Variants in CEP126 observed in about 807,000 individuals in gnomAD.
The protein encoded by CEP126 is centrosomal protein 126, also known as centrosomal protein of 126 kDa.
A neutral mutation model predicts 107.8 loss-of-function variants in CEP126; 74 were observed. The ratio of observed to expected loss-of-function variants is 0.69; its 90% CI spans 0.57 to 0.83. The LOEUF (loss-of-function observed/expected upper bound fraction) is 0.83, where lower values mean the gene tolerates loss of function less well. Among genes scored for constraint, CEP126 ranks in the 40% least tolerant of loss-of-function variants. The pLI, the probability that CEP126 is intolerant of heterozygous loss-of-function variation, is 0.00. For synonymous variants in CEP126, 449 were observed against 446.0 expected (o/e 1.01, Z -0.08); for missense variants, 1,237 against 1,281.9 (o/e 0.96, Z 0.53).
At position 101,962,604 on chromosome 11, in the gene CEP126, A is replaced by T. The variant is rs1027361876; in HGVS notation, c.1569A>T (p.Gln523His). 1.2e-6 allele frequency: 2 copies of T among 1,613,768 alleles called. No homozygotes were observed. The highest frequency in any genetic ancestry group is 1.3e-5 in the African/African-American group (1 of 75,044). Residue 523 changes from glutamine (Q) to histidine (H), a missense_variant, in exon 6 of 11, where the codon CAA becomes CAT. Around this residue, in one of 3 missense-constraint regions of CEP126, gnomAD observed 1,134 missense variants for 1,150.5 expected, o/e 0.99. Transcript: ENST00000263468. ...TGCCTTTATTTTCAGACAGTTTTCA[A>T]GATGCCTATATACCTCACAATCCTG... ...EELPLFSDSFQDAYIPHNPDS... is the reference protein window; with the variant it reads ...EELPLFSDSFHDAYIPHNPDS...
At chr11:101,919,444 T>C (rs1386871318) in intron 1 of CEP126, among the ~76,000 whole-genome samples, 3 of 152,124 alleles carry the variant, frequency 2.0e-5, no homozygotes, top group Non-Finnish European at 4.4e-5. Flanking sequence ...TTGGTTTTGT[T>C]TTTTTAATGT....
chr11:101,959,095 C>G (rs1016691838), intron 5 of CEP126, among the ~76,000 whole-genome samples: 1 of 152,112 alleles, frequency 6.6e-6, no homozygotes, highest in Non-Finnish European at 1.5e-5. Context: ...TTAAAAAGAT[C>G]CACTAGTAAC....
chr11:101,965,635 G>C (rs190597054), intron 6 of CEP126, among the ~76,000 whole-genome samples: 1 of 152,072 alleles, frequency 6.6e-6, no homozygotes, highest in South Asian at 2.1e-4. Context: ...TGAAGGTATC[G>C]TACAGATTAA....
intron 2 of CEP126, among the ~76,000 whole-genome samples, chr11:101,937,130 T>A (rs183744125): frequency 0.021 from 3,264 of 152,310 alleles, 36 homozygotes; most frequent in African/African-American, 0.029. Flanking sequence ...GTAATATTTT[T>A]AAATAATTTT....
At chr11:101,987,078 C>A in intron 9 of CEP126, 37 bp downstream of exon 9, 1 of 1,306,852 alleles carries the variant, frequency 7.7e-7, no homozygotes, top group Non-Finnish European at 1.1e-6. Flanking sequence ...AGAAATACTG[C>A]ATTTATACTT....
Position 101,962,358 on chromosome 11 carries a change from T to C in CEP126, c.1323T>C (p.Ser441=). ...VATFPDQEKY[S]ELNQENGTTS... ...CATTTCCAGACCAAGAGAAATATTC[T>C]GAATTAAATCAAGAAAATGGAACTA... The change falls in exon 6 of 11, where the codon TCT becomes TCC. Residue 441 remains serine (S), a synonymous_variant. Transcript: ENST00000263468. 6.2e-7 allele frequency: 1 copy of C among 1,613,770 alleles called. No individual in the cohort carries two copies. Among genetic ancestry groups the C allele is most frequent in the South Asian group, 1.1e-5 (1 of 91,034 alleles).
At chr11:101,952,950 A>G (rs941838405) in intron 4 of CEP126, among the ~76,000 whole-genome samples, 4 of 152,228 alleles carry the variant, frequency 2.6e-5, no homozygotes, top group African/African-American at 7.2e-5. Context: ...ACATTCTTCA[A>G]TAGGAGGAAT....
intron 2 of CEP126, among the ~76,000 whole-genome samples, chr11:101,941,914 T>A (rs1194463647): frequency 2.0e-5 from 3 of 152,306 alleles, no homozygotes; most frequent in African/African-American, 7.2e-5. Context: ...ATGTTGAGCA[T>A]CTTTTCATGT....
chr11:101,955,824 C>T, intron 4 of CEP126: 1 of 454,684 alleles, frequency 2.2e-6, no homozygotes, highest in South Asian at 1.6e-5. Flanking sequence ...GTCTCCACAC[C>T]TGACCCCTAC....
chr11:101,971,487 A>C (rs1033576078), intron 6 of CEP126, among the ~76,000 whole-genome samples: 4 of 152,302 alleles, frequency 2.6e-5, no homozygotes, highest in African/African-American at 7.2e-5. Flanking sequence ...AGAGATAGCT[A>C]TAAAGTCATA....
intron 2 of CEP126, among the ~76,000 whole-genome samples, chr11:101,927,555 C>G (rs138147566): frequency 4.5e-4 from 69 of 152,234 alleles, no homozygotes; most frequent in Admixed American, 8.5e-4. Context: ...ATAGCCACAC[C>G]TACTTCTCTC....
At position 101,958,511 on chromosome 11, in the gene CEP126, C is replaced by T. The variant is rs984879343; in HGVS notation, c.705+145C>T. 8 of 644,104 alleles carry T rather than the reference C, an allele frequency of 1.2e-5. No individual in the cohort carries two copies. In the African/African-American group the frequency reaches 1.5e-4, roughly 12 times the overall value. 39.9% of individuals were successfully genotyped at this position (644,104 alleles called of 1,614,324 possible). Reference sequence around the variant, plus strand: ...TGTGGATGAATCAGCACAAATTCATCATAGAAACTATAGAAATAATTTTTT... The same window carrying T: ...TGTGGATGAATCAGCACAAATTCATTATAGAAACTATAGAAATAATTTTTT... On this transcript the variant is annotated intron_variant, in intron 5 of 10. Coordinates refer to ENST00000263468, the MANE Select transcript of CEP126 (RefSeq NM_020802.4).
chr11:101,921,096 A>G (rs1279727240), intron 1 of CEP126, among the ~76,000 whole-genome samples: 1 of 152,210 alleles, frequency 6.6e-6, no homozygotes, highest in Non-Finnish European at 1.5e-5. Context: ...TTTCAAGTGA[A>G]TAGATGATTA....
chr11:101,956,582 T>C (rs900487869), intron 4 of CEP126: 2 of 456,284 alleles, frequency 4.4e-6, no homozygotes, highest in Admixed American at 4.7e-5. Flanking sequence ...CTGTATACTG[T>C]TTTCTTCCTC....
chr11:101,975,702 C>G (rs995585046), intron 6 of CEP126, among the ~76,000 whole-genome samples: 1 of 152,124 alleles, frequency 6.6e-6, no homozygotes, highest in South Asian at 2.1e-4. Flanking sequence ...AAGCATAGTA[C>G]CTGGTAGGTA....
At chr11:101,930,097 C>T (rs1373558521) in intron 2 of CEP126, among the ~76,000 whole-genome samples, 3 of 151,112 alleles carry the variant, frequency 2.0e-5, no homozygotes, top group Non-Finnish European at 4.4e-5. Context: ...TGTCCTTTCT[C>T]AGGCGCCAGG....
intron 2 of CEP126, among the ~76,000 whole-genome samples, chr11:101,929,862 C>T (rs1940466931): frequency 6.6e-6 from 1 of 151,890 alleles, no homozygotes; most frequent in African/African-American, 2.4e-5. Context: ...AGTGGAACCA[C>T]AATTTTCTGT....
intron 10 of CEP126, among the ~76,000 whole-genome samples, chr11:101,994,500 AG>A (rs1298383669): frequency 6.6e-6 from 1 of 152,122 alleles, no homozygotes. Flanking sequence ...TTATAGTTTT[AG>A]GTTTCATTTA....
At chr11:101,920,872 T>C (rs1591266473) in intron 1 of CEP126, among the ~76,000 whole-genome samples, 1 of 152,118 alleles carries the variant, frequency 6.6e-6, no homozygotes. Context: ...TCCCAAATTG[T>C]TGGGATTACA....
Sources: gnomAD v4.1 joint callset for allele counts (sites outside exome capture counted in the v4.1 genomes callset) on GRCh38, gnomAD v4.1.1 for gene constraint, gnomAD v4.1.1 regional missense constraint, MANE v1.5 for transcripts, NCBI Gene and HGNC (gene_info 2026-07-23, HGNC 2026-07-21) for gene names.